Variants in PDLIM5 observed in about 807,000 individuals in gnomAD.
PDLIM5 encodes PDZ and LIM domain protein 5.
A neutral mutation model predicts 64.2 loss-of-function variants in PDLIM5; 34 were observed. That is an observed-to-expected ratio of 0.53 (90% CI 0.40 to 0.71). The LOEUF (loss-of-function observed/expected upper bound fraction) is 0.71, where lower values mean the gene tolerates loss of function less well. Among genes scored for constraint, PDLIM5 ranks in the 30% least tolerant of loss-of-function variants. PDLIM5 has a pLI of 0.00. For missense variants in PDLIM5, 683 were observed against 733.6 expected (o/e 0.93, Z 0.80); for synonymous variants, 253 against 269.1 (o/e 0.94, Z 0.59).
At chr4:94,635,402 C>T (rs182051208) in intron 8 of PDLIM5, among the ~76,000 whole-genome samples, 93 of 151,912 alleles carry the variant, frequency 6.1e-4, no homozygotes, top group African/African-American at 2.1e-3. Context: ...ACTTACATTC[C>T]TAGATTGTGA....
At chr4:94,474,198 G>T (rs1725120524) in intron 2 of PDLIM5, among the ~76,000 whole-genome samples, 1 of 152,090 alleles carries the variant, frequency 6.6e-6, no homozygotes. Context: ...GGGAAACTTT[G>T]GTGTCATTCA....
chr4:94,536,904 T>C (rs1322594504), intron 3 of PDLIM5, among the ~76,000 whole-genome samples: 1 of 152,214 alleles, frequency 6.6e-6, no homozygotes, highest in Non-Finnish European at 1.5e-5. Flanking sequence ...AGTTGAAAAG[T>C]ACATGGGAGT....
intron 7 of PDLIM5, among the ~76,000 whole-genome samples, chr4:94,595,469 T>G (rs1736998245): frequency 1.3e-5 from 2 of 152,232 alleles, no homozygotes; most frequent in Non-Finnish European, 2.9e-5. Context: ...CCCACATGAT[T>G]TCTGGCTGAA....
intron 9 of PDLIM5, among the ~76,000 whole-genome samples, chr4:94,650,824 CG>C (rs1448769845): frequency 6.6e-6 from 1 of 151,706 alleles, no homozygotes; most frequent in African/African-American, 2.4e-5. Context: ...CCACATGCCC[CG>C]CCTTTTTGGA....
At chr4:94,607,156 A>G (rs1737996097) in intron 7 of PDLIM5, among the ~76,000 whole-genome samples, 1 of 152,168 alleles carries the variant, frequency 6.6e-6, no homozygotes, top group Admixed American at 6.5e-5. Context: ...TGGTAAAGGT[A>G]TGACTAATGT....
chr4:94,521,234 G>T (rs1046050545), intron 2 of PDLIM5, among the ~76,000 whole-genome samples: 1 of 152,102 alleles, frequency 6.6e-6, no homozygotes, highest in African/African-American at 2.4e-5. Flanking sequence ...TTTCCAGTGC[G>T]AGAGGTAATG....
chr4:94,511,879 A>G (rs1336265891), intron 2 of PDLIM5, among the ~76,000 whole-genome samples: 1 of 152,112 alleles, frequency 6.6e-6, no homozygotes, highest in Non-Finnish European at 1.5e-5. Flanking sequence ...TCATCTGTTG[A>G]TGGACACTTA....
At chr4:94,503,468 C>G (rs1314276117) in intron 2 of PDLIM5, among the ~76,000 whole-genome samples, 5 of 152,222 alleles carry the variant, frequency 3.3e-5, no homozygotes, top group Non-Finnish European at 5.9e-5. Flanking sequence ...AGAATAGCCT[C>G]TCATCGTGTA....
At chr4:94,642,401 A>C (rs1478455958) in intron 9 of PDLIM5, among the ~76,000 whole-genome samples, 2 of 152,200 alleles carry the variant, frequency 1.3e-5, no homozygotes, top group Non-Finnish European at 2.9e-5. Flanking sequence ...ATTACATTTC[A>C]CCACCCCTAC....
chr4:94,655,973 G>A (rs1395839673), intron 10 of PDLIM5, among the ~76,000 whole-genome samples: 1 of 152,118 alleles, frequency 6.6e-6, no homozygotes, highest in Non-Finnish European at 1.5e-5. Flanking sequence ...GGATCTAAAT[G>A]TCTGTTTCTT....
intron 11 of PDLIM5, among the ~76,000 whole-genome samples, chr4:94,658,330 T>C (rs983123985): frequency 6.6e-6 from 1 of 152,216 alleles, no homozygotes; most frequent in Non-Finnish European, 1.5e-5. Context: ...TGATTTTTAA[T>C]AAACTAGACT....
chr4:94,630,617 C>T (rs1740069544), intron 8 of PDLIM5, among the ~76,000 whole-genome samples: 1 of 152,048 alleles, frequency 6.6e-6, no homozygotes, highest in African/African-American at 2.4e-5. Context: ...TCAAGTGATC[C>T]ACCCATCTCA....
chr4:94,598,413 C>G (rs1236121234), intron 7 of PDLIM5, among the ~76,000 whole-genome samples: 1 of 152,078 alleles, frequency 6.6e-6, no homozygotes, highest in Non-Finnish European at 1.5e-5. Context: ...CAACTGAAGA[C>G]TCACTGAGAC....
chr4:94,544,656 G>A (rs1732147645), intron 3 of PDLIM5, among the ~76,000 whole-genome samples: 1 of 152,106 alleles, frequency 6.6e-6, no homozygotes, highest in African/African-American at 2.4e-5. Flanking sequence ...ATGAAATCTA[G>A]TCCTTTATTT....
intron 2 of PDLIM5, among the ~76,000 whole-genome samples, chr4:94,468,018 C>T (rs1457816017): frequency 6.6e-6 from 1 of 152,188 alleles, no homozygotes. Context: ...AGAACTGAAC[C>T]TAATACCTCA....
At chr4:94,632,227 C>T (rs1393630296) in intron 8 of PDLIM5, among the ~76,000 whole-genome samples, 1 of 152,206 alleles carries the variant, frequency 6.6e-6, no homozygotes, top group Non-Finnish European at 1.5e-5. Flanking sequence ...ATTGGTAGAG[C>T]CAGTGCATTG....
At chr4:94,631,554 C>T (rs1022505775) in intron 8 of PDLIM5, among the ~76,000 whole-genome samples, 2 of 152,184 alleles carry the variant, frequency 1.3e-5, no homozygotes, top group Admixed American at 6.5e-5. Context: ...TCCCCTCCTC[C>T]AAACTGGTCC....
chr4:94,603,530 C>G (rs1038854482), intron 7 of PDLIM5, among the ~76,000 whole-genome samples: 1 of 152,136 alleles, frequency 6.6e-6, no homozygotes, highest in Non-Finnish European at 1.5e-5. Context: ...GAGAATGACT[C>G]AGACAAGTCC....
rs568911111 is a variant in PDLIM5, at chr4:94,659,030, A to C, written c.1585+1483A>C. Among the ~76,000 whole-genome samples the C allele has an allele frequency of 3.3e-5, 5 of 152,340 alleles. No individual in the cohort carries two copies. In the South Asian group the frequency reaches 1.0e-3, roughly 32 times the overall value. On this transcript the variant is annotated intron_variant, in intron 11 of 12. Coordinates refer to ENST00000317968, the MANE Select transcript of PDLIM5 (RefSeq NM_006457.5). Reference sequence around the variant, plus strand: ...AGTCTAGCCTTAATACCTATATTTAATGTATTTGAAGTCATATTTTAAATA... The same window carrying C: ...AGTCTAGCCTTAATACCTATATTTACTGTATTTGAAGTCATATTTTAAATA...
Sources: gnomAD v4.1 joint callset for allele counts (sites outside exome capture counted in the v4.1 genomes callset) on GRCh38, gnomAD v4.1.1 for gene constraint, MANE v1.5 for transcripts, NCBI Gene and HGNC (gene_info 2026-07-23, HGNC 2026-07-21) for gene names.